Variants in GINS3 observed in about 807,000 individuals in gnomAD.
GINS3 encodes the protein DNA replication complex GINS protein PSF3.
A neutral mutation model predicts 20.0 loss-of-function variants in GINS3; 18 were observed. The ratio of observed to expected loss-of-function variants is 0.90; its 90% CI spans 0.62 to 1.33. The LOEUF is 1.33. Among genes scored for constraint, GINS3 ranks in the 40% most tolerant of loss-of-function variants. The probability of loss-of-function intolerance (pLI) is 0.00; values close to 1 mark genes in which losing one functional copy is unlikely to be tolerated. For missense variants in GINS3, 254 were observed against 273.6 expected, an observed-to-expected ratio of 0.93 and a Z score of 0.51; for synonymous variants, 109 against 107.0, an observed-to-expected ratio of 1.02 and a Z score of -0.12.
Position 58,404,980 on chromosome 16 carries a change from A to C in GINS3, c.*251A>C. On this transcript the variant is annotated 3_prime_UTR_variant, in exon 3 of 3. Transcript: ENST00000318129. The stretch of plus-strand genomic sequence containing the variant: ...TTAACCCAAGAACCCATGGCCAAGG[A>C]GAAATCAAAGTCCTTCCTAAATAAG... 2.1e-6 allele frequency: 1 copy of C among 466,614 alleles called. No homozygotes were observed. The highest frequency in any genetic ancestry group is 2.9e-5 in the South Asian group (1 of 34,316). The allele number at this position is 466,614 out of a possible 1,614,324, so 28.9% of individuals were successfully genotyped here.
At chr16:58,393,828 CAAA>C (rs746322212) in intron 1 of GINS3, among the ~76,000 whole-genome samples, 1 of 55,438 alleles carries the variant, frequency 1.8e-5, no homozygotes, top group Admixed American at 2.0e-4. Flanking sequence ...GACTCCATCT[CAAA>C]AAAAAAAAAA....
In GINS3 at chr16:58,392,759, G is replaced by C. The variant is rs139027672; in HGVS notation, c.158G>C (p.Gly53Ala). 1,834 of 1,612,056 alleles carry C rather than the reference G, an allele frequency of 1.1e-3. 26 individuals are homozygous for C. The African/African-American group carries it at 0.022, about 20-fold the overall frequency. ...GCTTTCTTCCTGGAGCGGAGCGCAG[G>C]CGCCGAGACTGACAACGCGGTCCCA... is the stretch of plus-strand genomic sequence containing the variant. ...LGAFFLERSA[G>A]AETDNAVPQG... The change falls in exon 1 of 3, where the codon GGC becomes GCC. Residue 53 changes from glycine to alanine, a missense_variant. Physicochemically the swap from Gly to Ala is moderately conservative, Grantham distance 60. Coordinates refer to ENST00000318129, the MANE Select transcript of GINS3 (RefSeq NM_022770.4).
Position 58,392,654 on chromosome 16 carries a change from ACTTT to A in GINS3, c.62_65del (p.Ser21TrpfsTer5), listed in dbSNP as rs769952973. Reference sequence around the variant, plus strand: ...TCGGGTGCGCTGGGGCCTGAGGAGAACTTTCTTTCTTTGGACGACATCCTGATGT... The same window carrying A: ...TCGGGTGCGCTGGGGCCTGAGGAGAACTTTCTTTGGACGACATCCTGATGT... On this transcript the variant is annotated frameshift_variant, in exon 1 of 3. Coordinates refer to ENST00000318129, the MANE Select transcript of GINS3 (RefSeq NM_022770.4). LOFTEE classifies it high-confidence loss of function. 9.3e-6 allele frequency: 15 copies of A among 1,614,202 alleles called. No individual in the cohort carries two copies. The highest frequency in any genetic ancestry group is 6.7e-5 in the African/African-American group (5 of 75,060).
In GINS3 at chr16:58,401,522, G is replaced by C. The variant is rs186453804; in HGVS notation, c.187-1576G>C. 9.2e-5 allele frequency among the ~76,000 whole-genome samples: 14 copies of C among 152,252 alleles called. No homozygotes were observed. The East Asian group carries it at 2.7e-3, about 29-fold the overall frequency. On this transcript the variant is annotated intron_variant, in intron 1 of 2. Transcript: ENST00000318129. ...GAGCTGATGGTTCATTTTACAGAGT[G>C]CTGATTGGTCCGTTTTACAGAGTGC...
At position 58,404,808 on chromosome 16, in the gene GINS3, A is replaced by G; in HGVS notation, c.*79A>G. 1.0e-6 allele frequency: 1 copy of G among 984,606 alleles called. No individual in the cohort carries two copies. The highest frequency in any genetic ancestry group is 1.6e-6 in the Non-Finnish European group (1 of 640,336). 61.0% of individuals were successfully genotyped at this position (984,606 alleles called of 1,614,324 possible). A position where few individuals can be genotyped will look rare whatever the true frequency, so the allele number is the denominator to read the frequency against. On this transcript the variant is annotated 3_prime_UTR_variant, in exon 3 of 3. Transcript: ENST00000318129. Reference sequence around the variant, plus strand: ...TGATAGGAGCTGGTTGACCTTGTACAGAACCAGAATCCTGTCCCATTTCAT... The same window carrying G: ...TGATAGGAGCTGGTTGACCTTGTACGGAACCAGAATCCTGTCCCATTTCAT...
intron 1 of GINS3, among the ~76,000 whole-genome samples, chr16:58,397,869 A>G (rs968575768): frequency 5.3e-5 from 8 of 152,074 alleles, no homozygotes; most frequent in Non-Finnish European, 5.9e-5. Context: ...TAAATTTTCA[A>G]TGGTATCAGT....
intron 1 of GINS3, among the ~76,000 whole-genome samples, chr16:58,397,368 A>G (rs58241886): frequency 4.6e-5 from 6 of 130,702 alleles, no homozygotes; most frequent in African/African-American, 3.4e-5. Flanking sequence ...CAGACTGGGC[A>G]GCCAGGCAGA....
chr16:58,392,890 T>C, intron 1 of GINS3, 103 bp downstream of exon 1: 1 of 1,279,502 alleles, frequency 7.8e-7, no homozygotes, highest in Non-Finnish European at 1.0e-6. Context: ...TTGGGATTTG[T>C]AGTTTTCGAG....
intron 2 of GINS3, 25 bp downstream of exon 2, chr16:58,403,356 T>C (rs1398366070): frequency 2.5e-6 from 4 of 1,578,936 alleles, no homozygotes; most frequent in Non-Finnish European, 2.6e-6. Context: ...TGAAAACCTG[T>C]GGTGCTGCAC....
Position 58,392,497 on chromosome 16 carries a change from C to A in GINS3, c.-105C>A. The A allele has an allele frequency of 2.3e-6, 3 of 1,308,708 alleles. No individual in the cohort carries two copies. The highest frequency in any genetic ancestry group is 1.5e-5 in the African/African-American group (1 of 68,082). The allele number at this position is 1,308,708 out of a possible 1,614,324, so 81.1% of individuals were successfully genotyped here. On this transcript the variant is annotated 5_prime_UTR_variant, in exon 1 of 3. Transcript: ENST00000318129. The stretch of plus-strand genomic sequence containing the variant: ...AACGAGTTTCAATCCACTTTCCTGA[C>A]CCCAACCATCCTGCCCAGTCTCCGC...
At chr16:58,403,369 G>A (rs1179538394) in intron 2 of GINS3, 38 bp downstream of exon 2, 1 of 1,516,770 alleles carries the variant, frequency 6.6e-7, no homozygotes. Flanking sequence ...TGCTGCACTT[G>A]TCTCAAGAGC....
At chr16:58,392,989 A>G (rs569023293) in intron 1 of GINS3, among the ~76,000 whole-genome samples, 2 of 152,358 alleles carry the variant, frequency 1.3e-5, no homozygotes, top group African/African-American at 4.8e-5. Context: ...CTTGTTCGCC[A>G]TCTGTGGTGA....
At chr16:58,396,098 C>A (rs1965852195) in intron 1 of GINS3, among the ~76,000 whole-genome samples, 1 of 141,370 alleles carries the variant, frequency 7.1e-6, no homozygotes, top group African/African-American at 2.7e-5. Context: ...CTGACTCCCC[C>A]ACCTCCCTCC....
chr16:58,400,915 A>G (rs551991760), intron 1 of GINS3, among the ~76,000 whole-genome samples: 72 of 151,648 alleles, frequency 4.7e-4, no homozygotes, highest in Middle Eastern at 6.8e-3. Context: ...CCTGTGTTCA[A>G]GCGAGTCTTC....
At chr16:58,395,420 CA>C (rs1430910453) in intron 1 of GINS3, among the ~76,000 whole-genome samples, 50 of 151,046 alleles carry the variant, frequency 3.3e-4, no homozygotes, top group Middle Eastern at 3.4e-3. Flanking sequence ...GAGGGAAGGT[CA>C]AGCAGATAAA....
intron 1 of GINS3, 149 bp downstream of exon 1, chr16:58,392,936 A>T (rs1295157332): frequency 3.5e-5 from 27 of 774,746 alleles, no homozygotes; most frequent in Non-Finnish European, 2.9e-5. Flanking sequence ...CTTCTCGGAA[A>T]CTCCGCGGGG....
At chr16:58,396,081 C>CG (rs1334097279) in intron 1 of GINS3, among the ~76,000 whole-genome samples, 3 of 133,088 alleles carry the variant, frequency 2.3e-5, no homozygotes, top group Non-Finnish European at 4.9e-5. Context: ...GCTGGCCGGG[C>CG]GGGGGGCTGA....
At position 58,405,768 on chromosome 16, in the gene GINS3, G is replaced by T. The variant is rs1341777002; in HGVS notation, c.*1039G>T. 2 of 152,174 alleles carry T rather than the reference G, an allele frequency of 1.3e-5. No individual in the cohort carries two copies. The highest frequency in any genetic ancestry group is 2.9e-5 in the Non-Finnish European group (2 of 68,042). 9.4% of individuals were successfully genotyped at this position (152,174 alleles called of 1,614,324 possible). ...CCTGGAGATCAAGGATGCAACCTCA[G>T]GTTGAGAAAGAAACAGGGTTCCCTG... On this transcript the variant is annotated 3_prime_UTR_variant, in exon 3 of 3. Coordinates refer to ENST00000318129, the MANE Select transcript of GINS3 (RefSeq NM_022770.4).
chr16:58,404,560 C>G lies in GINS3; in HGVS notation c.482C>G (p.Thr161Ser). The change falls in exon 3 of 3, where the codon ACT (threonine) becomes AGT (serine). Residue 161 changes from threonine (T) to serine (S), a missense_variant. Thr to Ser is a moderately conservative substitution (Grantham distance 58). Coordinates refer to ENST00000318129, the MANE Select transcript of GINS3 (RefSeq NM_022770.4). ...DSSQNAYNED[T>S]SALVARLDEM... Reference sequence around the variant, plus strand: ...TCACAGAATGCTTACAACGAAGACACTTCAGCCCTGGTAGCCAGGCTAGAC... The same window carrying G: ...TCACAGAATGCTTACAACGAAGACAGTTCAGCCCTGGTAGCCAGGCTAGAC... 1 of 1,614,170 alleles carries G rather than the reference C, an allele frequency of 6.2e-7. No individual in the cohort carries two copies. The highest frequency in any genetic ancestry group is 8.5e-7 in the Non-Finnish European group (1 of 1,180,022).
Sources: gnomAD v4.1 joint callset for allele counts (sites outside exome capture counted in the v4.1 genomes callset) on GRCh38, gnomAD v4.1.1 for gene constraint, MANE v1.5 for transcripts, NCBI Gene and HGNC (gene_info 2026-07-23, HGNC 2026-07-21) for gene names.